The following ABHD2 variants were observed in gnomAD, a reference collection of about 807,000 sequenced individuals.
ABHD2 encodes monoacylglycerol lipase ABHD2.
In ABHD2, 20 loss-of-function variants were observed where a neutral mutation model predicts 48.1. The observed-to-expected ratio is 0.42, with a 90% CI of 0.29 to 0.60. The LOEUF (loss-of-function observed/expected upper bound fraction) is 0.60, where lower values mean the gene tolerates loss of function less well. Ranked by LOEUF, ABHD2 falls within the 20% of genes least tolerant of loss-of-function variation. ABHD2 has a pLI of 0.24. For missense variants in ABHD2, 405 were observed against 550.9 expected, an observed-to-expected ratio of 0.74 and a Z score of 2.65; for synonymous variants, 209 against 214.2, an observed-to-expected ratio of 0.98 and a Z score of 0.21.
At chr15:89,147,927 G>A (rs1327122221) in intron 3 of ABHD2, among the ~76,000 whole-genome samples, 1 of 151,132 alleles carries the variant, frequency 6.6e-6, no homozygotes, top group Non-Finnish European at 1.5e-5. Context: ...GACCAGCCTG[G>A]CCAACATGGT....
At chr15:89,141,712 C>T (rs534341393) in intron 3 of ABHD2, among the ~76,000 whole-genome samples, 1 of 152,314 alleles carries the variant, frequency 6.6e-6, no homozygotes, top group Admixed American at 6.5e-5. Context: ...TAGTACTTGC[C>T]TGAGCCCCAG....
In ABHD2 at chr15:89,177,742, C is replaced by T. The variant is rs979777465; in HGVS notation, c.722+1747C>T. On this transcript the variant is annotated intron_variant, in intron 6 of 10. Coordinates refer to ENST00000352732, the MANE Select transcript of ABHD2 (RefSeq NM_152924.5). The surrounding 1 kb of genome is among the most constrained non-coding windows in gnomAD (Gnocchi z 5.6). ...ATATCCAACTCCCAGCTCATAGCCA[C>T]GTGTAACCAGAATTAACCAAAGTCC... 6.6e-6 allele frequency among the ~76,000 whole-genome samples: 1 copy of T among 152,152 alleles called. No individual in the cohort carries two copies. The highest frequency in any genetic ancestry group is 2.4e-5 in the African/African-American group (1 of 41,426).
rs780367780 is a variant in ABHD2, at chr15:89,106,130, A to G, written c.-106-7595A>G. Reference sequence around the variant, plus strand: ...GGAGTTCGAGACCAGCCTGGCTAACATGGTGAAACCCCGTTTTTACTAAAA... The same window carrying G: ...GGAGTTCGAGACCAGCCTGGCTAACGTGGTGAAACCCCGTTTTTACTAAAA... On this transcript the variant is annotated intron_variant, in intron 1 of 10. Coordinates refer to ENST00000352732, the MANE Select transcript of ABHD2 (RefSeq NM_152924.5). The surrounding 1 kb of genome is among the most constrained non-coding windows in gnomAD (Gnocchi z 4.2). 7 of 152,300 alleles carry G rather than the reference A, an allele frequency of 4.6e-5. No homozygotes were observed. Among genetic ancestry groups the G allele is most frequent in the Non-Finnish European group, 7.3e-5 (5 of 68,124 alleles). 9.4% of individuals were successfully genotyped at this position (152,300 alleles called of 1,614,324 possible). A position where few individuals can be genotyped will look rare whatever the true frequency, so the allele number is the denominator to read the frequency against.
At chr15:89,069,920 T>C in the ABHD2 span, among the ~76,000 whole-genome samples, 39 of 152,124 alleles carry the variant, frequency 2.6e-4, no homozygotes, top group Non-Finnish European at 5.3e-4. Flanking sequence ...CCTCAAGTGA[T>C]CCACCTGCCT....
At chr15:89,139,773 G>C (rs2050373354) in intron 3 of ABHD2, among the ~76,000 whole-genome samples, 1 of 152,090 alleles carries the variant, frequency 6.6e-6, no homozygotes, top group South Asian at 2.1e-4. Context: ...CCTTGAGTGT[G>C]TGCACTCAAG....
chr15:89,119,483 AT>A (rs2050014103), intron 3 of ABHD2, among the ~76,000 whole-genome samples: 1 of 152,206 alleles, frequency 6.6e-6, no homozygotes, highest in Non-Finnish European at 1.5e-5. Context: ...TGCATTTGAA[AT>A]TTGTTGAGTA....
At chr15:89,162,199 A>G (rs2050773083) in intron 5 of ABHD2, among the ~76,000 whole-genome samples, 1 of 152,188 alleles carries the variant, frequency 6.6e-6, no homozygotes, top group Admixed American at 6.5e-5. Context: ...ATAACATAAC[A>G]GAAGCACAAT....
At chr15:89,172,024 C>CTT (rs750948742) in intron 5 of ABHD2, among the ~76,000 whole-genome samples, 111 of 121,604 alleles carry the variant, frequency 9.1e-4, no homozygotes, top group African/African-American at 3.3e-3. Flanking sequence ...ATTTTTCCTG[C>CTT]TTTTTTTTTA....
intron 1 of ABHD2, among the ~76,000 whole-genome samples, chr15:89,099,371 G>A (rs1367029646): frequency 6.6e-6 from 1 of 152,152 alleles, no homozygotes; most frequent in Non-Finnish European, 1.5e-5. Flanking sequence ...AGGCTAAGGT[G>A]GGAGGATCAC....
chr15:89,124,384 A>T (rs904848130), intron 3 of ABHD2, among the ~76,000 whole-genome samples: 1 of 152,220 alleles, frequency 6.6e-6, no homozygotes, highest in Middle Eastern at 3.2e-3. Context: ...ATGCAACTTC[A>T]CACACTCTCT....
rs1217194483 is a variant in ABHD2, at chr15:89,164,954, G to T, written c.538+9420G>T. On this transcript the variant is annotated intron_variant, in intron 5 of 10. Coordinates refer to ENST00000352732, the MANE Select transcript of ABHD2 (RefSeq NM_152924.5). This position sits in a 1 kb window ranked among gnomAD's most constrained non-coding sequence, Gnocchi z 5.0. ...TGAACTGTTAAATGACCTTACCTCT[G>T]CATCCAGTTCATACAGTTGACCTCA... is the stretch of plus-strand genomic sequence containing the variant. Among the ~76,000 whole-genome samples, 1 of 152,196 alleles carries T rather than the reference G, an allele frequency of 6.6e-6. No individual in the cohort carries two copies. Among genetic ancestry groups the T allele is most frequent in the Admixed American group, 6.5e-5 (1 of 15,280 alleles).
upstream of ABHD2, among the ~76,000 whole-genome samples, chr15:89,083,267 A>G (rs1901309385): frequency 6.6e-6 from 1 of 152,218 alleles, no homozygotes; most frequent in Non-Finnish European, 1.5e-5. The surrounding 1 kb of genome is among the most constrained non-coding windows in gnomAD (Gnocchi z 5.1). Flanking sequence ...TATGTAGGAA[A>G]GGGTGTATGA....
chr15:89,191,276 G>A (rs1596165439), intron 9 of ABHD2, 127 bp downstream of exon 9: 1 of 880,994 alleles, frequency 1.1e-6, no homozygotes, highest in East Asian at 2.6e-5. Flanking sequence ...CGCTCTTTTA[G>A]CTTGGATTTG....
chr15:89,064,244 G>A, the ABHD2 span, among the ~76,000 whole-genome samples: 10 of 132,414 alleles, frequency 7.6e-5, no homozygotes, highest in South Asian at 2.4e-3. Context: ...TTTTTACACG[G>A]AGTCTCATTC....
Position 89,179,603 on chromosome 15 carries a change from T to G in ABHD2, c.722+3608T>G, listed in dbSNP as rs2051074973. ...AGTTGTAGAATTATTTCATTCTGTA[T>G]GATAATGTAATAATAATAGGGAAAA... On this transcript the variant is annotated intron_variant, in intron 6 of 10. Transcript: ENST00000352732. This position sits in a 1 kb window ranked among gnomAD's most constrained non-coding sequence, Gnocchi z 4.3. 6.6e-6 allele frequency among the ~76,000 whole-genome samples: 1 copy of G among 152,192 alleles called. No homozygotes were observed. Among genetic ancestry groups the G allele is most frequent in the Non-Finnish European group, 1.5e-5 (1 of 68,034 alleles).
chr15:89,198,455 T>C lies in ABHD2; in HGVS notation c.*3032T>C, dbSNP rs920563662. ...TTAACAGACTTGAAGAAAACTGTTATCTTTTCCTGCTGTGAGTTTACACAA... is the reference window on the plus strand; with the variant it reads ...TTAACAGACTTGAAGAAAACTGTTACCTTTTCCTGCTGTGAGTTTACACAA... On this transcript the variant is annotated 3_prime_UTR_variant, in exon 11 of 11. Transcript: ENST00000352732. The surrounding 1 kb of genome is among the most constrained non-coding windows in gnomAD (Gnocchi z 5.1). 1 of 152,260 alleles carries C rather than the reference T, an allele frequency of 6.6e-6. No homozygotes were observed. Among genetic ancestry groups the C allele is most frequent in the African/African-American group, 2.4e-5 (1 of 41,468 alleles). The allele number at this position is 152,260 out of a possible 1,614,324, so 9.4% of individuals were successfully genotyped here.
chr15:89,128,637 G>A (rs1189989633), intron 3 of ABHD2, among the ~76,000 whole-genome samples: 2 of 152,148 alleles, frequency 1.3e-5, no homozygotes, highest in East Asian at 3.9e-4. Context: ...TTTGCTCACT[G>A]TGCCCTTTGA....
rs1032388719 is a variant in ABHD2, at chr15:89,151,983, T to A, written c.370+131T>A. Reference sequence around the variant, plus strand: ...CATCAGGGGCTGTTGGGAAGCCTGCTGGGATTCGTCACTTAGGAGCAGCCT... The same window carrying A: ...CATCAGGGGCTGTTGGGAAGCCTGCAGGGATTCGTCACTTAGGAGCAGCCT... On this transcript the variant is annotated intron_variant, in intron 4 of 10. Transcript: ENST00000352732. This position sits in a 1 kb window ranked among gnomAD's most constrained non-coding sequence, Gnocchi z 4.7. 9 of 1,221,102 alleles carry A rather than the reference T, an allele frequency of 7.4e-6. No homozygotes were observed. The African/African-American group carries it at 1.1e-4, about 14-fold the overall frequency. 75.6% of individuals were successfully genotyped at this position (1,221,102 alleles called of 1,614,324 possible).
At chr15:89,193,778 T>C (rs2051345451) in intron 10 of ABHD2, among the ~76,000 whole-genome samples, 1 of 152,114 alleles carries the variant, frequency 6.6e-6, no homozygotes, top group South Asian at 2.1e-4. Flanking sequence ...AGTAAGACCC[T>C]ATCTCTACAA....
Sources: allele counts gnomAD v4.1 joint callset (sites outside exome capture counted in the v4.1 genomes callset), GRCh38; gene constraint gnomAD v4.1.1; non-coding constraint Gnocchi (gnomAD v3.1); transcripts MANE v1.5; gene names NCBI Gene and HGNC (gene_info 2026-07-23, HGNC 2026-07-21).